The following PDE4D variants were observed in gnomAD, a reference collection of about 807,000 sequenced individuals.
PDE4D encodes the protein 3',5'-cyclic-AMP phosphodiesterase 4D.
In PDE4D, 24 loss-of-function variants were observed where a neutral mutation model predicts 87.4. The observed-to-expected ratio is 0.27, with a 90% CI of 0.20 to 0.39. The LOEUF (loss-of-function observed/expected upper bound fraction) is 0.39. PDE4D is among the 10% of genes least tolerant of loss of function. PDE4D has a pLI of 1.00. For synonymous variants in PDE4D, 384 were observed against 383.2 expected (o/e 1.00, Z -0.02); for missense variants, 714 against 1,041.0 (o/e 0.69, Z 4.32).
intron 5 of PDE4D, among the ~76,000 whole-genome samples, chr5:59,086,985 AGG>A (rs1408360466): frequency 6.6e-6 from 1 of 152,116 alleles, no homozygotes; most frequent in Non-Finnish European, 1.5e-5. Context: ...CTCAAATTTG[AGG>A]GGTCATAGAC....
rs534130702 is a variant in PDE4D at position 59,168,955 on chromosome 5, A to G, written c.808+11640T>C. Reference sequence around the variant, plus strand: ...TACCTCTTTGGATATCATAAGGTTTAAAAAGATTACTCATCTAGAGTGTTT... The same window carrying G: ...TACCTCTTTGGATATCATAAGGTTTGAAAAGATTACTCATCTAGAGTGTTT... On this transcript the variant is annotated intron_variant, in intron 5 of 14. Coordinates refer to ENST00000340635, the MANE Select transcript of PDE4D (RefSeq NM_001104631.2). 7.9e-5 allele frequency among the ~76,000 whole-genome samples: 12 copies of G among 152,326 alleles called. No individual in the cohort carries two copies. The South Asian group carries it at 2.1e-3, about 26-fold the overall frequency.
At chr5:59,946,359 T>G (rs796536740) in intron 3 of PDE4D, among the ~76,000 whole-genome samples, 1 of 152,182 alleles carries the variant, frequency 6.6e-6, no homozygotes, top group East Asian at 1.9e-4. Flanking sequence ...AAACTTCCCA[T>G]GTTCAGCAAT....
intron 1 of PDE4D, among the ~76,000 whole-genome samples, chr5:59,839,602 C>T (rs1742672794): frequency 6.6e-6 from 1 of 151,918 alleles, no homozygotes; most frequent in Non-Finnish European, 1.5e-5. Flanking sequence ...CCAAGCTGCT[C>T]GATGATATGA....
chr5:59,794,660 G>T (rs1766246946), intron 1 of PDE4D, among the ~76,000 whole-genome samples: 1 of 151,976 alleles, frequency 6.6e-6, no homozygotes, highest in Non-Finnish European at 1.5e-5. Flanking sequence ...ATGCTTCACA[G>T]TAAAAATCTC....
Position 59,543,774 on chromosome 5 carries a change from C to T in PDE4D, c.456-327806G>A, listed in dbSNP as rs367851880. The stretch of plus-strand genomic sequence containing the variant: ...TTAGGGGAAAGTTACTGAGGTTCCA[C>T]GTCAGGCAAACTTTGCTCACCCATC... On this transcript the variant is annotated intron_variant, in intron 1 of 14. Coordinates refer to ENST00000340635, the MANE Select transcript of PDE4D (RefSeq NM_001104631.2). Among the ~76,000 whole-genome samples the T allele has an allele frequency of 1.4e-4, 21 of 152,114 alleles. 1 individual carries two copies. Among genetic ancestry groups the T allele is most frequent in the East Asian group, 1.9e-4 (1 of 5,182 alleles).
intron 1 of PDE4D, among the ~76,000 whole-genome samples, chr5:59,228,996 CTTT>C (rs879691247): frequency 2.1e-5 from 3 of 145,732 alleles, no homozygotes; most frequent in African/African-American, 2.5e-5. Context: ...ACCTCCTAAC[CTTT>C]TTTTTTTTTG....
intron 1 of PDE4D, among the ~76,000 whole-genome samples, chr5:59,463,927 G>C (rs1406817522): frequency 2.6e-5 from 4 of 152,108 alleles, no homozygotes; most frequent in Non-Finnish European, 4.4e-5. Context: ...CCCCAACCCC[G>C]TGCTCTCTGA....
chr5:60,332,179 T>A (rs965451287), intron 1 of PDE4D, among the ~76,000 whole-genome samples: 6 of 152,198 alleles, frequency 3.9e-5, no homozygotes, highest in Non-Finnish European at 7.3e-5. Flanking sequence ...GAATTTTTTT[T>A]AAAATTTAAA....
At chr5:59,171,705 C>T (rs1459410631) in intron 5 of PDE4D, among the ~76,000 whole-genome samples, 1 of 149,368 alleles carries the variant, frequency 6.7e-6, no homozygotes, top group Non-Finnish European at 1.5e-5. Flanking sequence ...ACATGGAAAG[C>T]ATTATGTTCT....
intron 1 of PDE4D, among the ~76,000 whole-genome samples, chr5:60,509,294 T>C: frequency 6.6e-6 from 1 of 152,214 alleles, no homozygotes; most frequent in East Asian, 1.9e-4. Context: ...GACCCTCGCT[T>C]ACAGCATGAG....
intron 2 of PDE4D, among the ~76,000 whole-genome samples, chr5:60,045,202 T>C (rs1769061001): frequency 6.6e-6 from 1 of 152,018 alleles, no homozygotes; most frequent in South Asian, 2.1e-4. Context: ...CACTTTTTGA[T>C]GGGGTTGTTT....
At chr5:59,721,147 A>G (rs1331366453) in intron 1 of PDE4D, among the ~76,000 whole-genome samples, 1 of 152,176 alleles carries the variant, frequency 6.6e-6, no homozygotes, top group Non-Finnish European at 1.5e-5. Flanking sequence ...GTTTAGATCG[A>G]GTTTAGCACC....
At chr5:59,452,203 A>G (rs985215762) in intron 1 of PDE4D, among the ~76,000 whole-genome samples, 2 of 152,122 alleles carry the variant, frequency 1.3e-5, no homozygotes, top group Non-Finnish European at 2.9e-5. Flanking sequence ...CCATTGATAC[A>G]TTTATATTCA....
intron 1 of PDE4D, among the ~76,000 whole-genome samples, chr5:60,384,319 C>A (rs1762060417): frequency 6.6e-6 from 1 of 152,184 alleles, no homozygotes; most frequent in African/African-American, 2.4e-5. Flanking sequence ...CTTACCTATT[C>A]ATTAAAGCAA....
At chr5:58,981,780 G>C in intron 11 of PDE4D, among the ~76,000 whole-genome samples, 1 of 152,140 alleles carries the variant, frequency 6.6e-6, no homozygotes, top group East Asian at 1.9e-4. Flanking sequence ...AAGGGTATGG[G>C]TTATTAGTGG....
At chr5:59,249,474 T>G (rs376603668) in intron 1 of PDE4D, among the ~76,000 whole-genome samples, 6 of 152,238 alleles carry the variant, frequency 3.9e-5, no homozygotes, top group African/African-American at 1.4e-4. Context: ...TATTCAGAGA[T>G]AAGCCAATGT....
intron 2 of PDE4D, among the ~76,000 whole-genome samples, chr5:60,069,509 T>C (rs1772481548): frequency 6.6e-6 from 1 of 152,180 alleles, no homozygotes; most frequent in Admixed American, 6.5e-5. Flanking sequence ...TATGCATAGA[T>C]TTATTTCTGG....
chr5:59,155,914 T>C (rs561424491), intron 5 of PDE4D, among the ~76,000 whole-genome samples: 5 of 152,234 alleles, frequency 3.3e-5, no homozygotes, highest in African/African-American at 1.2e-4. Context: ...ACAGACTTTC[T>C]TCAAAAAGCA....
chr5:59,489,941 A>C (rs1805881087), intron 1 of PDE4D, among the ~76,000 whole-genome samples: 1 of 152,218 alleles, frequency 6.6e-6, no homozygotes, highest in Admixed American at 6.5e-5. Flanking sequence ...AACTTTAAAA[A>C]AGCATGTGTT....
Sources: gnomAD v4.1 joint callset for allele counts (sites outside exome capture counted in the v4.1 genomes callset) on GRCh38, gnomAD v4.1.1 for gene constraint, MANE v1.5 for transcripts, NCBI Gene and HGNC (gene_info 2026-07-23, HGNC 2026-07-21) for gene names.